The following WIPI1 variants were observed in gnomAD, a reference collection of about 807,000 sequenced individuals.
WIPI1 encodes WD repeat domain, phosphoinositide interacting 1.
In WIPI1, 45 loss-of-function variants were observed where a neutral mutation model predicts 55.3. That is an observed-to-expected ratio of 0.81 (90% confidence interval 0.64 to 1.04). The LOEUF is 1.04. Among genes scored for constraint, WIPI1 ranks in the 50% least tolerant of loss-of-function variants. The probability of loss-of-function intolerance (pLI) is 0.00; values close to 1 mark genes in which losing one functional copy is unlikely to be tolerated. For synonymous variants in WIPI1, 195 were observed against 217.6 expected (o/e 0.90, Z 0.92); for missense variants, 445 against 559.0 (o/e 0.80, Z 2.06).
At chr17:68,454,956 T>C (rs1002253287) in intron 1 of WIPI1, among the ~76,000 whole-genome samples, 1 of 152,236 alleles carries the variant, frequency 6.6e-6, no homozygotes, top group African/African-American at 2.4e-5. Context: ...TCAAGGAATT[T>C]AGACTTAGAC....
chr17:68,454,436 A>C (rs527905030), intron 1 of WIPI1, among the ~76,000 whole-genome samples: 1 of 152,298 alleles, frequency 6.6e-6, no homozygotes, highest in South Asian at 2.1e-4. Context: ...CTACCCAGAC[A>C]TTTGTTCTTC....
At position 68,451,003 on chromosome 17, in the gene WIPI1, C is replaced by T. The variant is rs191906351; in HGVS notation, c.164-106G>A. ...CGCAGGCCAGGTTCCAAAGGTTCTC[C>T]GGGTCTTGCCGGCCAGGCGCCCTCT... On this transcript the variant is annotated intron_variant, in intron 2 of 12. Transcript: ENST00000262139. 3.9e-5 allele frequency: 56 copies of T among 1,423,604 alleles called. 2 individuals carry two copies. In the East Asian group the frequency reaches 8.8e-4, roughly 22 times the overall value. 88.2% of individuals were successfully genotyped at this position (1,423,604 alleles called of 1,614,324 possible).
chr17:68,446,145 T>A (rs950470646), intron 3 of WIPI1, among the ~76,000 whole-genome samples: 1 of 152,144 alleles, frequency 6.6e-6, no homozygotes, highest in Non-Finnish European at 1.5e-5. Flanking sequence ...AGGTCATCAG[T>A]GTTAACCAAG....
At chr17:68,451,160 C>T (rs554907380) in intron 2 of WIPI1, among the ~76,000 whole-genome samples, 7 of 152,348 alleles carry the variant, frequency 4.6e-5, no homozygotes, top group Middle Eastern at 6.8e-3. Flanking sequence ...CCTGGCATGG[C>T]GGCTCACGCC....
intron 4 of WIPI1, chr17:68,440,943 T>C (rs1261928145): frequency 6.6e-6 from 1 of 152,234 alleles, no homozygotes; most frequent in Non-Finnish European, 1.5e-5. Flanking sequence ...TGCCCTATGC[T>C]CCTACAAAAG....
In WIPI1 at chr17:68,428,952, A is replaced by G. The variant is rs777383935; in HGVS notation, c.966-16T>C. 9 of 1,600,094 alleles carry G rather than the reference A, an allele frequency of 5.6e-6. No homozygotes were observed. The African/African-American group carries it at 1.2e-4, about 21-fold the overall frequency. On this transcript the variant is annotated splice_polypyrimidine_tract_variant and intron_variant, in intron 9 of 12. Coordinates refer to ENST00000262139, the MANE Select transcript of WIPI1 (RefSeq NM_017983.7). ...CTTCTGGATCCTAAGGGCCAAGGAA[A>G]ACATAAACCGTGATGACAACGAAGA...
At chr17:68,426,044 A>C in intron 12 of WIPI1, 31 bp downstream of exon 12, 1 of 1,590,568 alleles carries the variant, frequency 6.3e-7, no homozygotes, top group Non-Finnish European at 8.6e-7. Context: ...ACACAGACTG[A>C]GCCGCCCAGT....
rs80178375 is a variant in WIPI1, at chr17:68,442,466, A to G, written c.430+2027T>C. Among the ~76,000 whole-genome samples, 349 of 140,730 alleles carry G rather than the reference A, an allele frequency of 2.5e-3. 1 individual carries two copies. The highest frequency in any genetic ancestry group is 7.8e-3 in the African/African-American group (280 of 35,984). The allele number at this position is 140,730 out of a possible 152,430, so 92.3% of individuals were successfully genotyped here. On this transcript the variant is annotated intron_variant, in intron 4 of 12. Coordinates refer to ENST00000262139, the MANE Select transcript of WIPI1 (RefSeq NM_017983.7). ...GGCAACAGAGTGAGACTGTGTCTCAAAAAAAAAAAAAAAAAAAGGAGAAAC... is the reference window on the plus strand; with the variant it reads ...GGCAACAGAGTGAGACTGTGTCTCAGAAAAAAAAAAAAAAAAAGGAGAAAC...
chr17:68,444,409 C>A, intron 4 of WIPI1, 84 bp downstream of exon 4: 1 of 1,298,980 alleles, frequency 7.7e-7, no homozygotes, highest in South Asian at 1.3e-5. Flanking sequence ...GCTTCACGTT[C>A]GCAATTTGGA....
At chr17:68,432,170 G>A (rs2083558984) in intron 8 of WIPI1, among the ~76,000 whole-genome samples, 1 of 152,180 alleles carries the variant, frequency 6.6e-6, no homozygotes, top group Admixed American at 6.5e-5. Flanking sequence ...GAAAGATGAA[G>A]GAGCGAGAAG....
rs933830666 is a variant in WIPI1 at position 68,446,740 on chromosome 17, G to A, written c.334-2151C>T. Reference sequence around the variant, plus strand: ...CCCCACACCCAATCCCTGGGATAGCGGGGCCTTGACATATGCCTCTCCTAG... The same window carrying A: ...CCCCACACCCAATCCCTGGGATAGCAGGGCCTTGACATATGCCTCTCCTAG... On this transcript the variant is annotated intron_variant, in intron 3 of 12. Coordinates refer to ENST00000262139, the MANE Select transcript of WIPI1 (RefSeq NM_017983.7). Among the ~76,000 whole-genome samples the A allele has an allele frequency of 2.1e-4, 32 of 152,250 alleles. 1 individual carries two copies. Among genetic ancestry groups the A allele is most frequent in the African/African-American group, 7.2e-4 (30 of 41,544 alleles).
chr17:68,439,031 C>T (rs569284729), intron 4 of WIPI1, among the ~76,000 whole-genome samples: 7 of 152,244 alleles, frequency 4.6e-5, no homozygotes, highest in African/African-American at 1.7e-4. Context: ...TCTTATGCAC[C>T]GCTGGTGGGA....
In WIPI1 at chr17:68,435,659, G is replaced by A; in HGVS notation, c.582C>T (p.Phe194=). ...AHEGTLAAIT[F]NASGSKLASA... ...TTGCTAGTTTGGAGCCTGAGGCATT[G>A]AAGGTGATGGCAGCTAGTGTTCCCT... is the stretch of plus-strand genomic sequence containing the variant. The change falls in exon 6 of 13, where the codon TTC becomes TTT. Residue 194 remains phenylalanine, a synonymous_variant. Transcript: ENST00000262139. 6.2e-7 allele frequency: 1 copy of A among 1,614,248 alleles called. No homozygotes were observed. Among genetic ancestry groups the A allele is most frequent in the East Asian group, 2.2e-5 (1 of 44,890 alleles).
chr17:68,426,254 G>GGCC (rs1445054523), intron 11 of WIPI1, 79 bp from the exon 12 acceptor site: 3 of 816,890 alleles, frequency 3.7e-6, no homozygotes, highest in East Asian at 3.5e-5. Context: ...GGGAGCGGGG[G>GGCC]CTCAAATAAA....
intron 6 of WIPI1, 129 bp from the exon 7 acceptor site, chr17:68,434,755 A>T: frequency 1.2e-6 from 1 of 843,100 alleles, no homozygotes; most frequent in South Asian, 1.7e-5. Flanking sequence ...CACGTTGAGC[A>T]TAGAGGCATG....
intron 4 of WIPI1, among the ~76,000 whole-genome samples, chr17:68,437,016 A>ATGTGTGTGTGTGTGTGTGTGAG (rs2083837299): frequency 6.9e-6 from 1 of 144,578 alleles, no homozygotes; most frequent in African/African-American, 2.6e-5. Flanking sequence ...ATATATATAT[A>ATGTGTGTGTGTGTGTGTGTGAG]TGTGTGTGTG....
intron 10 of WIPI1, 122 bp downstream of exon 10, chr17:68,428,707 A>C: frequency 1.3e-6 from 1 of 744,354 alleles, no homozygotes; most frequent in Non-Finnish European, 2.2e-6. Context: ...GAGGTTTGCC[A>C]CTGAGACTGC....
chr17:68,422,012 G>C (rs2082814805), intron 12 of WIPI1, 192 bp from the exon 13 acceptor site: 2 of 627,790 alleles, frequency 3.2e-6, no homozygotes, highest in Non-Finnish European at 5.7e-6. Context: ...GTATGACACA[G>C]TTCTAGAAAA....
At chr17:68,425,024 G>A (rs1472602906) in intron 12 of WIPI1, among the ~76,000 whole-genome samples, 1 of 152,208 alleles carries the variant, frequency 6.6e-6, no homozygotes, top group Non-Finnish European at 1.5e-5. Flanking sequence ...AGCCCCAGCA[G>A]GCTCTCAGGA....
Sources: allele counts gnomAD v4.1 joint callset (sites outside exome capture counted in the v4.1 genomes callset), GRCh38; gene constraint gnomAD v4.1.1; transcripts MANE v1.5; gene names NCBI Gene and HGNC (gene_info 2026-07-23, HGNC 2026-07-21).